Variants in KCNT2 observed in about 807,000 individuals in gnomAD.
The protein encoded by KCNT2 is potassium sodium-activated channel subfamily T member 2.
KCNT2 carries 67 observed loss-of-function variants against 153.8 expected under a neutral mutation model. The ratio of observed to expected loss-of-function variants is 0.44; its 90% CI spans 0.36 to 0.53. The LOEUF (loss-of-function observed/expected upper bound fraction) is 0.53. KCNT2 is among the 20% of genes least tolerant of loss of function. KCNT2 has a pLI of 0.00. For missense variants in KCNT2, 975 were observed against 1,354.8 expected, an observed-to-expected ratio of 0.72 and a Z score of 4.40; for synonymous variants, 500 against 458.8, an observed-to-expected ratio of 1.09 and a Z score of -1.15.
At chr1:196,563,490 A>C (rs1659696464) in intron 1 of KCNT2, among the ~76,000 whole-genome samples, 1 of 151,816 alleles carries the variant, frequency 6.6e-6, no homozygotes, top group Non-Finnish European at 1.5e-5. Flanking sequence ...ACTTCCAAAA[A>C]ACAGAAGAGC....
chr1:196,316,244 T>G (rs1311996238), intron 20 of KCNT2, among the ~76,000 whole-genome samples: 2 of 151,754 alleles, frequency 1.3e-5, no homozygotes, highest in Non-Finnish European at 2.9e-5. Flanking sequence ...TCATTAGATC[T>G]CAACTGTTTC....
intron 14 of KCNT2, among the ~76,000 whole-genome samples, chr1:196,365,800 C>T (rs1558199677): frequency 6.6e-6 from 1 of 152,196 alleles, no homozygotes; most frequent in Non-Finnish European, 1.5e-5. Context: ...TCTCCTGTCT[C>T]TCTCAAACTG....
chr1:196,492,379 G>T, intron 1 of KCNT2, 38 bp from the exon 2 acceptor site: 1 of 1,259,946 alleles, frequency 7.9e-7, no homozygotes, highest in Non-Finnish European at 1.0e-6. Flanking sequence ...ATGTATGCAA[G>T]CAACCATATC....
intron 26 of KCNT2, among the ~76,000 whole-genome samples, 179 bp from the exon 27 acceptor site, chr1:196,236,249 T>C (rs561442741): frequency 6.6e-6 from 1 of 151,642 alleles, no homozygotes; most frequent in South Asian, 2.1e-4. Context: ...TGAAAATATC[T>C]GACACATACT....
chr1:196,496,573 C>T (rs559291912), intron 1 of KCNT2, among the ~76,000 whole-genome samples: 1 of 151,940 alleles, frequency 6.6e-6, no homozygotes, highest in East Asian at 1.9e-4. Context: ...TGTCACCAAA[C>T]TTCTAAATAA....
chr1:196,593,225 C>T (rs1170488877), intron 1 of KCNT2, among the ~76,000 whole-genome samples: 2 of 149,416 alleles, frequency 1.3e-5, no homozygotes, highest in African/African-American at 4.9e-5. Context: ...TTCTCTAATT[C>T]CATCCAGGTT....
At chr1:196,366,945 G>A (rs1668092942) in intron 14 of KCNT2, among the ~76,000 whole-genome samples, 1 of 152,142 alleles carries the variant, frequency 6.6e-6, no homozygotes, top group Non-Finnish European at 1.5e-5. Context: ...AAGTGGAGTA[G>A]GTTGGTTCAA....
intron 10 of KCNT2, among the ~76,000 whole-genome samples, chr1:196,427,426 T>G (rs1201976757): frequency 2.0e-5 from 3 of 152,050 alleles, no homozygotes; most frequent in Admixed American, 1.3e-4. Context: ...TTGACAAAAC[T>G]TTGTTGAGTA....
chr1:196,418,533 T>C (rs772747330), intron 12 of KCNT2, among the ~76,000 whole-genome samples: 7 of 152,004 alleles, frequency 4.6e-5, no homozygotes, highest in Non-Finnish European at 1.0e-4. Context: ...ACATTTATTT[T>C]CTCACAGTTC....
chr1:196,346,756 T>G lies in KCNT2; in HGVS notation c.1404-4528A>C, dbSNP rs563505979. ...ACATCTTTATGTTAGCAACATATTA[T>G]ACCTTCATTTGAATGCTAATTACTC... On this transcript the variant is annotated intron_variant, in intron 14 of 27. Coordinates refer to ENST00000294725, the MANE Select transcript of KCNT2 (RefSeq NM_198503.5). 2.8e-4 allele frequency among the ~76,000 whole-genome samples: 43 copies of G among 152,274 alleles called. No individual in the cohort carries two copies. The South Asian group carries it at 4.6e-3, about 16-fold the overall frequency.
At chr1:196,594,118 G>A (rs920811352) in intron 1 of KCNT2, among the ~76,000 whole-genome samples, 1 of 151,948 alleles carries the variant, frequency 6.6e-6, no homozygotes, top group Admixed American at 6.6e-5. Flanking sequence ...TTGGACAATG[G>A]CACTGCTGGC....
intron 22 of KCNT2, among the ~76,000 whole-genome samples, chr1:196,291,409 G>A (rs1033535304): frequency 1.3e-5 from 2 of 151,930 alleles, no homozygotes; most frequent in African/African-American, 4.8e-5. Context: ...TAAAAAGTAA[G>A]ATTCCAAGCA....
chr1:196,437,511 T>A (rs1354077495), intron 8 of KCNT2, among the ~76,000 whole-genome samples: 5 of 148,520 alleles, frequency 3.4e-5, no homozygotes, highest in Admixed American at 6.8e-5. Context: ...AAATTAAAAA[T>A]TTTTTTGCTA....
At chr1:196,534,120 T>A (rs780901678) in intron 1 of KCNT2, among the ~76,000 whole-genome samples, 1 of 152,032 alleles carries the variant, frequency 6.6e-6, no homozygotes, top group Non-Finnish European at 1.5e-5. Flanking sequence ...AAAGGAAGAA[T>A]CTTTTTTACC....
At chr1:196,417,465 C>T (rs1232853823) in intron 12 of KCNT2, among the ~76,000 whole-genome samples, 2 of 152,082 alleles carry the variant, frequency 1.3e-5, no homozygotes, top group Admixed American at 1.3e-4. Context: ...CCTACTCTCA[C>T]ACATATTTCC....
intron 1 of KCNT2, among the ~76,000 whole-genome samples, chr1:196,562,390 T>C (rs1202113203): frequency 1.3e-5 from 2 of 151,918 alleles, no homozygotes; most frequent in African/African-American, 4.8e-5. Flanking sequence ...GGCATGTCTG[T>C]CCACCTCCTT....
At chr1:196,517,210 A>G (rs1296845654) in intron 1 of KCNT2, among the ~76,000 whole-genome samples, 1 of 152,108 alleles carries the variant, frequency 6.6e-6, no homozygotes, top group East Asian at 1.9e-4. Flanking sequence ...TCTTCTCCCT[A>G]CTGGGCAGGG....
At chr1:196,279,230 C>T (rs569990559) in intron 25 of KCNT2, among the ~76,000 whole-genome samples, 2 of 152,062 alleles carry the variant, frequency 1.3e-5, no homozygotes. Context: ...GTTTTGAATC[C>T]AGTATTCTTA....
At chr1:196,492,463 A>G (rs1679932014) in intron 1 of KCNT2, 122 bp from the exon 2 acceptor site, 1 of 822,082 alleles carries the variant, frequency 1.2e-6, no homozygotes, top group Non-Finnish European at 1.6e-6. Context: ...CATTTTTGAA[A>G]TAAATTATTT....
Sources: gnomAD v4.1 joint callset for allele counts (sites outside exome capture counted in the v4.1 genomes callset) on GRCh38, gnomAD v4.1.1 for gene constraint, MANE v1.5 for transcripts, NCBI Gene and HGNC (gene_info 2026-07-23, HGNC 2026-07-21) for gene names.